The following MTPN variants were observed in gnomAD, a reference collection of about 807,000 sequenced individuals.
MTPN encodes the protein myotrophin, also known as granule cell differentiation protein.
MTPN carries 2 observed loss-of-function variants against 13.5 expected under a neutral mutation model. The observed-to-expected ratio is 0.15, with a 90% CI of 0.06 to 0.47. MTPN has a LOEUF of 0.47. Among genes scored for constraint, MTPN ranks in the 20% least tolerant of loss-of-function variants. The pLI, the probability that MTPN is intolerant of heterozygous loss-of-function variation, is 0.97. For synonymous variants in MTPN, 46 were observed against 51.7 expected, an observed-to-expected ratio of 0.89 and a Z score of 0.48; for missense variants, 79 against 137.9, an observed-to-expected ratio of 0.57 and a Z score of 2.14.
chr7:135,971,186 G>C (rs1008765940), intron 1 of MTPN, among the ~76,000 whole-genome samples: 3 of 152,080 alleles, frequency 2.0e-5, no homozygotes, highest in African/African-American at 7.2e-5. Context: ...TAGAATGGAG[G>C]CTGGAGGGAA....
At chr7:135,934,283 C>G (rs527452502) in intron 3 of MTPN, among the ~76,000 whole-genome samples, 2 of 152,204 alleles carry the variant, frequency 1.3e-5, no homozygotes, top group African/African-American at 4.8e-5. Context: ...GGCAGGGTGG[C>G]TCTGTCCTTA....
At chr7:135,946,093 A>G (rs1462102895) in intron 3 of MTPN, among the ~76,000 whole-genome samples, 3 of 152,244 alleles carry the variant, frequency 2.0e-5, no homozygotes, top group Non-Finnish European at 4.4e-5. Context: ...GGGTAACTGC[A>G]GAAAAGGGGG....
At chr7:135,941,905 G>A (rs1310028638) in intron 3 of MTPN, among the ~76,000 whole-genome samples, 14 of 145,878 alleles carry the variant, frequency 9.6e-5, no homozygotes, top group Admixed American at 3.4e-4. Context: ...TTTTTGAGAC[G>A]GGAGTTTCAT....
chr7:135,950,372 T>C (rs1336474573), intron 3 of MTPN, among the ~76,000 whole-genome samples: 1 of 152,182 alleles, frequency 6.6e-6, no homozygotes, highest in Non-Finnish European at 1.5e-5. Flanking sequence ...GTAAAATATT[T>C]TCTTGACAAA....
At chr7:135,975,621 T>C (rs1218370847) in intron 1 of MTPN, among the ~76,000 whole-genome samples, 2 of 152,202 alleles carry the variant, frequency 1.3e-5, no homozygotes, top group African/African-American at 4.8e-5. Context: ...ACAACCTAGG[T>C]TCCACCATGA....
rs538608893 is a variant in MTPN, at chr7:135,927,652, T to C, written c.*2274A>G. The C allele has an allele frequency of 3.6e-5, 22 of 617,710 alleles. No homozygotes were observed. Among genetic ancestry groups the C allele is most frequent in the South Asian group, 3.5e-4 (22 of 63,606 alleles). The allele number at this position is 617,710 out of a possible 1,614,324, so 38.3% of individuals were successfully genotyped here. Reference sequence around the variant, plus strand: ...AGAAATACATTATAAATAACCTAGTTAAAAAAAGAAACTGTGAACCATCTT... The same window carrying C: ...AGAAATACATTATAAATAACCTAGTCAAAAAAAGAAACTGTGAACCATCTT... On this transcript the variant is annotated 3_prime_UTR_variant, in exon 4 of 4. Transcript: ENST00000393085.
chr7:135,951,660 T>A, intron 1 of MTPN, 30 bp from the exon 2 acceptor site: 1 of 1,477,308 alleles, frequency 6.8e-7, no homozygotes, highest in East Asian at 2.3e-5. Flanking sequence ...AAAACAATAT[T>A]TATATGAATG....
chr7:135,930,927 A>G (rs1799010904), intron 3 of MTPN, among the ~76,000 whole-genome samples: 1 of 151,932 alleles, frequency 6.6e-6, no homozygotes, highest in African/African-American at 2.4e-5. Flanking sequence ...AATCTCACAC[A>G]TTCTTCTGCT....
At position 135,929,037 on chromosome 7, in the gene MTPN, G is replaced by C. The variant is rs1798972143; in HGVS notation, c.*889C>G. 2 of 166,724 alleles carry C rather than the reference G, an allele frequency of 1.2e-5. No homozygotes were observed. The highest frequency in any genetic ancestry group is 4.9e-5 in the African/African-American group (2 of 41,194). 10.3% of individuals were successfully genotyped at this position (166,724 alleles called of 1,614,324 possible). A position where few individuals can be genotyped will look rare whatever the true frequency, so the allele number is the denominator to read the frequency against. The stretch of plus-strand genomic sequence containing the variant: ...TCAATCCATTCAAACAGCAAATAAA[G>C]AAAATCCATAGGTACTAAGATAACT... On this transcript the variant is annotated 3_prime_UTR_variant, in exon 4 of 4. Transcript: ENST00000393085.
At position 135,927,615 on chromosome 7, in the gene MTPN, G is replaced by A. The variant is rs2073069919; in HGVS notation, c.*2311C>T. ...AACATTAAGTGTTGTGAATTTGTCT[G>A]CCAAGTGGTTCAGAAATACATTATA... On this transcript the variant is annotated 3_prime_UTR_variant, in exon 4 of 4. Coordinates refer to ENST00000393085, the MANE Select transcript of MTPN (RefSeq NM_145808.4). The A allele has an allele frequency of 4.5e-6, 3 of 671,366 alleles. No homozygotes were observed. The highest frequency in any genetic ancestry group is 8.3e-6 in the Non-Finnish European group (3 of 362,272). 41.6% of individuals were successfully genotyped at this position (671,366 alleles called of 1,614,324 possible). A position where few individuals can be genotyped will look rare whatever the true frequency, so the allele number is the denominator to read the frequency against.
intron 1 of MTPN, among the ~76,000 whole-genome samples, chr7:135,969,322 TAAG>T (rs1340861719): frequency 1.3e-5 from 2 of 150,904 alleles, no homozygotes; most frequent in Admixed American, 6.6e-5. Flanking sequence ...TTAATACAGA[TAAG>T]AAGTTTTAAA....
chr7:135,952,830 A>G (rs1288342173), intron 1 of MTPN, among the ~76,000 whole-genome samples: 4 of 152,188 alleles, frequency 2.6e-5, no homozygotes, highest in Middle Eastern at 3.4e-3. Flanking sequence ...GCGTGATGGC[A>G]TGCTCCTGTG....
At chr7:135,950,385 A>C (rs140236668) in intron 3 of MTPN, among the ~76,000 whole-genome samples, 20 of 152,338 alleles carry the variant, frequency 1.3e-4, no homozygotes, top group African/African-American at 4.6e-4. Context: ...TTGACAAAGA[A>C]GACTGCTGAT....
chr7:135,940,382 T>TTGA (rs1584807852), intron 3 of MTPN, among the ~76,000 whole-genome samples: 1 of 152,210 alleles, frequency 6.6e-6, no homozygotes. Flanking sequence ...AATTTACATA[T>TTGA]TGATACAGGA....
intron 1 of MTPN, among the ~76,000 whole-genome samples, chr7:135,959,279 G>T (rs1328323083): frequency 6.6e-6 from 1 of 152,010 alleles, no homozygotes; most frequent in Admixed American, 6.6e-5. Flanking sequence ...TTATTTTATA[G>T]AACATAACAG....
At chr7:135,943,339 CA>C (rs1799242190) in intron 3 of MTPN, among the ~76,000 whole-genome samples, 1 of 152,196 alleles carries the variant, frequency 6.6e-6, no homozygotes, top group African/African-American at 2.4e-5. Context: ...ATATCTTACA[CA>C]TTTGATTCCC....
intron 1 of MTPN, among the ~76,000 whole-genome samples, chr7:135,954,688 A>T (rs1799415305): frequency 6.6e-6 from 1 of 152,208 alleles, no homozygotes; most frequent in African/African-American, 2.4e-5. Context: ...CACGCCTGTA[A>T]TCCTAGCACT....
At chr7:135,961,333 A>G (rs1799519320) in intron 1 of MTPN, among the ~76,000 whole-genome samples, 1 of 151,952 alleles carries the variant, frequency 6.6e-6, no homozygotes, top group East Asian at 1.9e-4. Context: ...CCTCCCAAAA[A>G]TAGTTTTAGA....
At chr7:135,951,383 T>A (rs567884239) in intron 2 of MTPN, 134 bp downstream of exon 2, 1 of 470,420 alleles carries the variant, frequency 2.1e-6, no homozygotes, top group East Asian at 3.4e-5. Context: ...TATAGGCAAT[T>A]TGGCATAATT....
Sources: allele counts gnomAD v4.1 joint callset (sites outside exome capture counted in the v4.1 genomes callset), GRCh38; gene constraint gnomAD v4.1.1; transcripts MANE v1.5; gene names NCBI Gene and HGNC (gene_info 2026-07-23, HGNC 2026-07-21).